ADGB: variants seen among roughly 807,000 people sequenced by gnomAD.
The protein encoded by ADGB is androglobin.
ADGB carries 172 observed loss-of-function variants against 210.5 expected under a neutral mutation model. That is an observed-to-expected ratio of 0.82 (90% CI 0.72 to 0.93). The LOEUF (loss-of-function observed/expected upper bound fraction) is 0.93. ADGB is among the 40% of genes least tolerant of loss of function. The pLI is 0.00. For missense variants in ADGB, 2,025 were observed against 1,964.8 expected, an observed-to-expected ratio of 1.03 and a Z score of -0.58; for synonymous variants, 658 against 662.7, an observed-to-expected ratio of 0.99 and a Z score of 0.11.
chr6:146,637,179 CTTTG>C (rs1775437703), intron 2 of ADGB, among the ~76,000 whole-genome samples: 1 of 151,926 alleles, frequency 6.6e-6, no homozygotes. Flanking sequence ...TCACCTTGTT[CTTTG>C]TTTATTTATT....
At chr6:146,719,760 A>G (rs2114569597) in intron 16 of ADGB, among the ~76,000 whole-genome samples, 1 of 152,290 alleles carries the variant, frequency 6.6e-6, no homozygotes, top group East Asian at 1.9e-4. Flanking sequence ...ATGACAGAAA[A>G]TGAGCTCCGG....
Position 146,728,574 on chromosome 6 carries a change from G to A in ADGB, c.2353G>A (p.Glu785Lys), listed in dbSNP as rs778896340. 7.1e-6 allele frequency: 11 copies of A among 1,550,736 alleles called. No homozygotes were observed. In the African/African-American group the frequency reaches 1.1e-4, roughly 15 times the overall value. Reference protein sequence around the residue: ...EHVVLPNFEPESCRFTEQSLL... With the variant: ...EHVVLPNFEPKSCRFTEQSLL... ...TGGCTGCCATGCTTTGTCTTCACAG[G>A]AGAGCTGCCGATTTACGGAACAGTC... Residue 785 changes from glutamate to lysine, a missense_variant and splice_region_variant, in exon 20 of 36, where the codon GAG (glutamate) becomes AAG (lysine). Physicochemically the swap from Glu to Lys is moderately conservative, Grantham distance 56. Coordinates refer to ENST00000397944, the MANE Select transcript of ADGB (RefSeq NM_024694.4).
intron 7 of ADGB, among the ~76,000 whole-genome samples, chr6:146,668,496 C>G (rs1230147241): frequency 2.0e-5 from 3 of 152,100 alleles, no homozygotes; most frequent in Non-Finnish European, 2.9e-5. Flanking sequence ...CAAGATAGCA[C>G]TCTTTTATAT....
At chr6:146,632,040 T>A (rs1323169977) in intron 1 of ADGB, among the ~76,000 whole-genome samples, 1 of 151,718 alleles carries the variant, frequency 6.6e-6, no homozygotes, top group Admixed American at 6.6e-5. Flanking sequence ...CCTACCTCAG[T>A]GTATTAGTTT....
At chr6:146,644,341 A>G (rs1583572003) in intron 2 of ADGB, among the ~76,000 whole-genome samples, 1 of 151,920 alleles carries the variant, frequency 6.6e-6, no homozygotes, top group African/African-American at 2.4e-5. Flanking sequence ...TTTATATATA[A>G]TCTTGTTTAT....
chr6:146,710,199 G>T (rs1344188068), intron 13 of ADGB, among the ~76,000 whole-genome samples: 1 of 151,116 alleles, frequency 6.6e-6, no homozygotes, highest in Non-Finnish European at 1.5e-5. Flanking sequence ...TAAGAAATTT[G>T]CCCTATTCTT....
chr6:146,654,796 T>TTG (rs1388119074), intron 4 of ADGB, among the ~76,000 whole-genome samples: 1 of 152,104 alleles, frequency 6.6e-6, no homozygotes, highest in Admixed American at 6.6e-5. Flanking sequence ...GTGTGTGTTA[T>TTG]TGTGTGTGTG....
chr6:146,702,574 A>G (rs1267460852), intron 13 of ADGB, among the ~76,000 whole-genome samples: 1 of 151,864 alleles, frequency 6.6e-6, no homozygotes, highest in Admixed American at 6.6e-5. Flanking sequence ...TTTAATGTAA[A>G]TGCAAAGAAA....
rs187186238 is a variant in ADGB, at chr6:146,763,979, G to T, written c.3629G>T (p.Gly1210Val). 1,704 of 1,551,468 alleles carry T rather than the reference G, an allele frequency of 1.1e-3. 18 individuals are homozygous for T. In the African/African-American group the frequency reaches 0.021, roughly 19 times the overall value. The change falls in exon 28 of 36, where the codon GGA becomes GTA. Residue 1210 changes from glycine to valine, a missense_variant. Coordinates refer to ENST00000397944, the MANE Select transcript of ADGB (RefSeq NM_024694.4). ...EVYVKKKAAQ[G>V]IQKSPKGRAV... is the part of the protein sequence containing the mutation. ...TATGTTAAGAAGAAAGCTGCTCAGG[G>T]AATTCAGAAATCCCCCAAGGGTAGA...
intron 1 of ADGB, among the ~76,000 whole-genome samples, chr6:146,631,146 G>A (rs1781059170): frequency 2.0e-5 from 3 of 152,118 alleles, no homozygotes; most frequent in Non-Finnish European, 1.5e-5. Context: ...TTAAAGATAC[G>A]AAAGAGGAAA....
intron 9 of ADGB, among the ~76,000 whole-genome samples, chr6:146,681,205 G>A (rs915273535): frequency 2.0e-5 from 3 of 152,122 alleles, no homozygotes; most frequent in African/African-American, 7.2e-5. Context: ...ATCCCTCATG[G>A]CTTGGTGCTG....
At chr6:146,791,548 G>A (rs1267637859) in intron 33 of ADGB, among the ~76,000 whole-genome samples, 1 of 151,986 alleles carries the variant, frequency 6.6e-6, no homozygotes, top group African/African-American at 2.4e-5. Flanking sequence ...TCACTATGTT[G>A]CCCAGGCTAG....
intron 4 of ADGB, among the ~76,000 whole-genome samples, chr6:146,654,595 C>A (rs1775753860): frequency 1.3e-5 from 2 of 152,124 alleles, no homozygotes; most frequent in South Asian, 4.2e-4. Flanking sequence ...TCAAGCAGTC[C>A]TCCCACACGG....
intron 1 of ADGB, among the ~76,000 whole-genome samples, chr6:146,627,992 T>C (rs1358230819): frequency 1.3e-5 from 2 of 152,180 alleles, no homozygotes; most frequent in Non-Finnish European, 2.9e-5. Context: ...ATGTATTTTG[T>C]CCAGATTTTG....
chr6:146,729,456 G>T (rs1177272705), intron 20 of ADGB, among the ~76,000 whole-genome samples: 1 of 152,060 alleles, frequency 6.6e-6, no homozygotes, highest in East Asian at 1.9e-4. Context: ...TTTTTCAAGA[G>T]ATGGGGTCTT....
At chr6:146,716,782 A>G in intron 14 of ADGB, 101 bp from the exon 15 acceptor site, 2 of 1,175,322 alleles carry the variant, frequency 1.7e-6, no homozygotes, top group Non-Finnish European at 2.3e-6. Context: ...ATATTTTCCC[A>G]AAAATAGACT....
At chr6:146,692,804 T>C (rs1776348853) in intron 11 of ADGB, 21 bp from the exon 12 acceptor site, 1 of 1,366,124 alleles carries the variant, frequency 7.3e-7, no homozygotes, top group Non-Finnish European at 1.0e-6. Context: ...TACATCATAC[T>C]TTCTAACTGC....
chr6:146,605,677 C>T (rs1439270749), intron 1 of ADGB, among the ~76,000 whole-genome samples: 3 of 152,122 alleles, frequency 2.0e-5, no homozygotes, highest in Non-Finnish European at 2.9e-5. Context: ...ATCTGCAGCA[C>T]CCGGGACAAC....
At chr6:146,814,416 A>G (rs1328577880) in intron 35 of ADGB, among the ~76,000 whole-genome samples, 2 of 152,214 alleles carry the variant, frequency 1.3e-5, no homozygotes, top group Admixed American at 1.3e-4. Flanking sequence ...GTGAGACAGA[A>G]GACAATCTAA....
Sources: gnomAD v4.1 joint callset for allele counts (sites outside exome capture counted in the v4.1 genomes callset) on GRCh38, gnomAD v4.1.1 for gene constraint, MANE v1.5 for transcripts, NCBI Gene and HGNC (gene_info 2026-07-23, HGNC 2026-07-21) for gene names.